Variants in PBX1 observed in about 807,000 individuals in gnomAD.
PBX1 encodes the protein pre-B-cell leukemia transcription factor 1.
A neutral mutation model predicts 53.4 loss-of-function variants in PBX1; 6 were observed. The observed-to-expected ratio is 0.11, with a 90% CI of 0.06 to 0.22. The LOEUF is 0.22. PBX1 is among the 10% of genes least tolerant of loss of function. PBX1 has a pLI of 1.00. For synonymous variants in PBX1, 204 were observed against 212.3 expected, an observed-to-expected ratio of 0.96 and a Z score of 0.34; for missense variants, 251 against 551.4, an observed-to-expected ratio of 0.46 and a Z score of 5.46.
chr1:164,854,312 G>C (rs1376332508), downstream of PBX1: 4 of 150,920 alleles, frequency 2.7e-5, no homozygotes, highest in African/African-American at 9.8e-5. Flanking sequence ...CACTCCCACT[G>C]CTTACTTTGA....
chr1:164,880,624 G>A (rs1330740382), intron 2 of PBX1, among the ~76,000 whole-genome samples: 1 of 152,158 alleles, frequency 6.6e-6, no homozygotes, highest in Admixed American at 6.5e-5. Flanking sequence ...AAGTTGACAG[G>A]CCCTTGGGAA....
intron 2 of PBX1, among the ~76,000 whole-genome samples, chr1:164,874,407 G>A (rs576899359): frequency 1.1e-4 from 16 of 152,218 alleles, no homozygotes; most frequent in African/African-American, 1.9e-4. Flanking sequence ...AACTATATGC[G>A]TTGTTGTGTA....
At chr1:164,624,612 A>G (rs892374079) in intron 2 of PBX1, among the ~76,000 whole-genome samples, 1 of 152,232 alleles carries the variant, frequency 6.6e-6, no homozygotes, top group African/African-American at 2.4e-5. Flanking sequence ...GAATAATGTC[A>G]TGGACACACA....
chr1:164,572,310 C>T (rs1653937882), intron 2 of PBX1, among the ~76,000 whole-genome samples: 1 of 152,114 alleles, frequency 6.6e-6, no homozygotes, highest in Non-Finnish European at 1.5e-5. Context: ...ATCTCTTTCT[C>T]CATTCAATGA....
rs58617739 is a variant in PBX1, at chr1:164,707,418, T to TGTGTGAGAGAGAGA, written c.266-85075_266-85074insTGTGAGAGAGAGAG. ...AGGTGTGTGTGTGTGTGTGTGTGTG[T>TGTGTGAGAGAGAGA]GAGAGAGAGAGAGAGAGAGAGAGAG... On this transcript the variant is annotated intron_variant, in intron 2 of 8. Transcript: ENST00000420696. Among the ~76,000 whole-genome samples the TGTGTGAGAGAGAGA allele has an allele frequency of 3.5e-4, 41 of 118,258 alleles. 2 individuals are homozygous for TGTGTGAGAGAGAGA. Among genetic ancestry groups the TGTGTGAGAGAGAGA allele is most frequent in the African/African-American group, 1.5e-3 (40 of 26,140 alleles). The allele number at this position is 118,258 out of a possible 152,430, so 77.6% of individuals were successfully genotyped here.
chr1:164,686,616 T>C (rs1039079699), intron 2 of PBX1, among the ~76,000 whole-genome samples: 1 of 152,164 alleles, frequency 6.6e-6, no homozygotes, highest in African/African-American at 2.4e-5. Flanking sequence ...AGTGAATCAA[T>C]GGGAGACACA....
intron 2 of PBX1, among the ~76,000 whole-genome samples, chr1:164,575,735 C>T (rs1027468429): frequency 1.3e-5 from 2 of 152,142 alleles, no homozygotes; most frequent in African/African-American, 4.8e-5. Flanking sequence ...TGCAGAGGCT[C>T]TAGGGCCAAT....
intron 2 of PBX1, among the ~76,000 whole-genome samples, chr1:164,637,372 G>T (rs545594246): frequency 6.6e-6 from 1 of 152,162 alleles, no homozygotes; most frequent in South Asian, 2.1e-4. Flanking sequence ...ATGGATTAAC[G>T]TGATTCTTAT....
At chr1:164,573,441 T>G (rs1340071683) in intron 2 of PBX1, among the ~76,000 whole-genome samples, 2 of 151,766 alleles carry the variant, frequency 1.3e-5, no homozygotes, top group Non-Finnish European at 2.9e-5. Flanking sequence ...GTGTCTATGC[T>G]GAGGCTTTGA....
At chr1:164,594,469 G>A (rs1220219124) in intron 2 of PBX1, among the ~76,000 whole-genome samples, 1 of 152,128 alleles carries the variant, frequency 6.6e-6, no homozygotes, top group East Asian at 1.9e-4. Flanking sequence ...TTTTAGTGGA[G>A]ACGGGGTTTC....
chr1:164,680,493 T>A (rs1026419072), intron 2 of PBX1: 7 of 152,234 alleles, frequency 4.6e-5, no homozygotes, highest in African/African-American at 1.7e-4. Flanking sequence ...TCTGATTTTA[T>A]ACTCTTATGC....
chr1:164,734,623 A>G (rs1291746358), intron 2 of PBX1, among the ~76,000 whole-genome samples: 1 of 152,218 alleles, frequency 6.6e-6, no homozygotes, highest in African/African-American at 2.4e-5. Flanking sequence ...ATAATATGGT[A>G]TTAAATTTTC....
chr1:164,752,235 TG>T (rs1666275011), intron 2 of PBX1, among the ~76,000 whole-genome samples: 1 of 151,680 alleles, frequency 6.6e-6, no homozygotes, highest in South Asian at 2.1e-4. Flanking sequence ...TGTGTGTGTG[TG>T]TGTGTGTGTG....
At chr1:164,600,434 A>G (rs1337104181) in intron 2 of PBX1, among the ~76,000 whole-genome samples, 1 of 151,844 alleles carries the variant, frequency 6.6e-6, no homozygotes, top group Non-Finnish European at 1.5e-5. Context: ...TTTTTAGTAG[A>G]TATGGGGTTT....
intron 2 of PBX1, among the ~76,000 whole-genome samples, chr1:164,676,553 GTGT>G (rs1661443185): frequency 6.6e-6 from 1 of 152,226 alleles, no homozygotes; most frequent in African/African-American, 2.4e-5. Flanking sequence ...GCTGCCACAA[GTGT>G]GGAGTTTATG....
intron 8 of PBX1, among the ~76,000 whole-genome samples, chr1:164,841,384 C>T (rs551263792): frequency 6.6e-6 from 1 of 152,098 alleles, no homozygotes; most frequent in Admixed American, 6.6e-5. Flanking sequence ...ATCAAGGCTG[C>T]GGCAGAGCTG....
intron 2 of PBX1, among the ~76,000 whole-genome samples, chr1:164,779,228 T>C (rs1015728189): frequency 6.6e-6 from 1 of 151,836 alleles, no homozygotes; most frequent in African/African-American, 2.4e-5. Context: ...ACATACCTGT[T>C]CTAGCAATTT....
chr1:164,641,855 G>T (rs1213834838), intron 2 of PBX1: 1 of 152,186 alleles, frequency 6.6e-6, no homozygotes, highest in Non-Finnish European at 1.5e-5. Context: ...TGCTGAGGAT[G>T]ATTTTTGGTA....
At chr1:164,671,686 C>CT (rs1394743244) in intron 2 of PBX1, among the ~76,000 whole-genome samples, 1 of 151,938 alleles carries the variant, frequency 6.6e-6, no homozygotes, top group Non-Finnish European at 1.5e-5. Context: ...CTGATTTTTT[C>CT]TGGGGGGCAG....
Sources: gnomAD v4.1 joint callset for allele counts (sites outside exome capture counted in the v4.1 genomes callset) on GRCh38, gnomAD v4.1.1 for gene constraint, MANE v1.5 for transcripts, NCBI Gene and HGNC (gene_info 2026-07-23, HGNC 2026-07-21) for gene names.